The following DPY30 variants were observed in gnomAD, a reference collection of about 807,000 sequenced individuals.
DPY30 encodes the protein protein dpy-30 homolog.
DPY30 carries 6 observed loss-of-function variants against 16.2 expected under a neutral mutation model. The ratio of observed to expected loss-of-function variants is 0.37; its 90% CI spans 0.20 to 0.73. The LOEUF (loss-of-function observed/expected upper bound fraction) is 0.73. DPY30 is among the 30% of genes least tolerant of loss of function. The probability of loss-of-function intolerance (pLI) is 0.51; values close to 1 mark genes in which losing one functional copy is unlikely to be tolerated. For synonymous variants in DPY30, 39 were observed against 38.8 expected (o/e 1.00, Z -0.02); for missense variants, 73 against 113.1 (o/e 0.65, Z 1.61).
chr2:32,036,541 G>A (rs919920606), intron 3 of DPY30, among the ~76,000 whole-genome samples: 13 of 151,280 alleles, frequency 8.6e-5, no homozygotes, highest in African/African-American at 1.7e-4. Context: ...GCATGGTGGC[G>A]GCGCCTGTAG....
At chr2:32,032,675 C>T (rs868771089) in intron 3 of DPY30, among the ~76,000 whole-genome samples, 1 of 152,294 alleles carries the variant, frequency 6.6e-6, no homozygotes, top group Middle Eastern at 3.4e-3. Flanking sequence ...GCTTGAGCAA[C>T]ATAGTGAGAC....
rs1675243767 is a variant in DPY30 at position 32,023,986 on chromosome 2, C to T, written c.*198G>A. The T allele has an allele frequency of 1.4e-6, 2 of 1,432,680 alleles. No individual in the cohort carries two copies. The highest frequency in any genetic ancestry group is 2.8e-5 in the Admixed American group (1 of 35,360). 88.7% of individuals were successfully genotyped at this position (1,432,680 alleles called of 1,614,324 possible). ...TGAGAAAAAAATTGCACAGAATACA[C>T]TCATTAAATAGGTATGGTTTATGGT... On this transcript the variant is annotated 3_prime_UTR_variant, in exon 5 of 5. Transcript: ENST00000342166.
At chr2:32,031,199 G>A (rs887106280) in intron 3 of DPY30, among the ~76,000 whole-genome samples, 5 of 151,976 alleles carry the variant, frequency 3.3e-5, no homozygotes, top group Non-Finnish European at 7.4e-5. Flanking sequence ...AAGGCACGCC[G>A]ACCATGAGGT....
At chr2:32,023,581 C>T (rs1362287061), downstream of DPY30, 1 of 601,062 alleles carries the variant, frequency 1.7e-6, no homozygotes, top group East Asian at 6.7e-5. Context: ...CAATAAATTA[C>T]AGCTATTACT....
rs1675252511 is a variant in DPY30, at chr2:32,024,206, G to A, written c.278C>T (p.Ala93Val). 6.2e-7 allele frequency: 1 copy of A among 1,612,580 alleles called. No individual in the cohort carries two copies. Among genetic ancestry groups the A allele is most frequent in the Non-Finnish European group, 8.5e-7 (1 of 1,179,358 alleles). The change falls in exon 5 of 5, where the codon GCA becomes GTA. Residue 93 changes from alanine (A) to valine (V), a missense_variant. This residue lies in a region of DPY30 where 20 missense variants were observed against 25.3 expected (regional missense o/e 0.79). Coordinates refer to ENST00000342166, the MANE Select transcript of DPY30 (RefSeq NM_001321209.2). ...FLASYLLKNK[A>V]QFEDRN ...AAGTCAGTTTCGATCTTCAAACTGT[G>A]CCTTGTTTTTTAAAAGATAAGATGC...
chr2:32,025,412 G>T (rs1484952722), intron 4 of DPY30, among the ~76,000 whole-genome samples: 1 of 151,756 alleles, frequency 6.6e-6, no homozygotes, highest in Non-Finnish European at 1.5e-5. Context: ...GCAGTGAGCC[G>T]AGATCATGCC....
chr2:32,033,164 C>T (rs1675606282), intron 3 of DPY30, among the ~76,000 whole-genome samples: 1 of 148,280 alleles, frequency 6.7e-6, no homozygotes, highest in African/African-American at 2.5e-5. Flanking sequence ...AAAAATTAAC[C>T]AGGCATGGTG....
In DPY30 at chr2:32,029,511, G is replaced by A. The variant is rs1675453965; in HGVS notation, c.227+83C>T. The A allele has an allele frequency of 6.0e-6, 9 of 1,490,834 alleles. No individual in the cohort carries two copies. The Admixed American group carries it at 9.7e-5, about 16-fold the overall frequency. The allele number at this position is 1,490,834 out of a possible 1,614,324, so 92.4% of individuals were successfully genotyped here. A position where few individuals can be genotyped will look rare whatever the true frequency, so the allele number is the denominator to read the frequency against. ...TCCATAAATCACACAGTAAAAAGTC[G>A]CTATACATAACTATGATATTTCAGA... On this transcript the variant is annotated intron_variant, in intron 4 of 4. Transcript: ENST00000342166.
At chr2:32,021,719 T>C (rs919175501), downstream of DPY30, among the ~76,000 whole-genome samples, 2 of 151,586 alleles carry the variant, frequency 1.3e-5, no homozygotes, top group Non-Finnish European at 2.9e-5. Flanking sequence ...TGTGTCCCAT[T>C]GGGTCATGTT....
chr2:32,032,949 T>C (rs935077692), intron 3 of DPY30, among the ~76,000 whole-genome samples: 3 of 151,990 alleles, frequency 2.0e-5, no homozygotes, highest in East Asian at 1.9e-4. Flanking sequence ...TGAGCCAAGA[T>C]TGCGCCACTG....
intron 3 of DPY30, among the ~76,000 whole-genome samples, chr2:32,034,090 G>A (rs1488243293): frequency 1.3e-5 from 2 of 152,184 alleles, no homozygotes; most frequent in African/African-American, 4.8e-5. Flanking sequence ...GAGCACTGAA[G>A]AGAAGAAAGG....
chr2:32,032,618 G>C (rs538478495), intron 3 of DPY30, among the ~76,000 whole-genome samples: 8 of 152,282 alleles, frequency 5.3e-5, no homozygotes, highest in African/African-American at 1.9e-4. Context: ...CCAGTACTTT[G>C]GGAAGCCAAG....
At chr2:32,038,114 C>T (rs1023451883) in intron 3 of DPY30, among the ~76,000 whole-genome samples, 2 of 147,364 alleles carry the variant, frequency 1.4e-5, no homozygotes, top group Admixed American at 6.9e-5. Flanking sequence ...GTAGAATTAA[C>T]TTGTATTGCT....
downstream of DPY30, among the ~76,000 whole-genome samples, chr2:32,020,592 T>C (rs1675158181): frequency 6.6e-6 from 1 of 152,076 alleles, no homozygotes; most frequent in African/African-American, 2.4e-5. Flanking sequence ...GCCTTGATGG[T>C]AGTTATGGTT....
At chr2:32,039,217 C>A (rs1350204868) in intron 3 of DPY30, 62 bp downstream of exon 3, 16 of 1,336,114 alleles carry the variant, frequency 1.2e-5, no homozygotes. Flanking sequence ...AAAAGCAGAT[C>A]CCAAGTTTTC....
At chr2:32,015,440 C>T (rs903260342) in intron 5 of DPY30, among the ~76,000 whole-genome samples, 23 of 152,060 alleles carry the variant, frequency 1.5e-4, no homozygotes, top group African/African-American at 5.3e-4. Context: ...TTTAATAATT[C>T]CTGTAAGATA....
chr2:32,025,385 C>T (rs1283842750), intron 4 of DPY30, among the ~76,000 whole-genome samples: 1 of 152,062 alleles, frequency 6.6e-6, no homozygotes, highest in Non-Finnish European at 1.5e-5. Context: ...ATCACTTGAA[C>T]CCGGGAGGTG....
intron 3 of DPY30, among the ~76,000 whole-genome samples, chr2:32,034,629 A>C (rs1487301948): frequency 1.3e-5 from 2 of 152,158 alleles, no homozygotes; most frequent in Non-Finnish European, 2.9e-5. Context: ...TCCAAACTAT[A>C]TTACACCAGG....
intron 3 of DPY30, among the ~76,000 whole-genome samples, chr2:32,033,866 A>G (rs1415923846): frequency 6.6e-6 from 1 of 152,194 alleles, no homozygotes; most frequent in Non-Finnish European, 1.5e-5. Flanking sequence ...AACACAAACA[A>G]ACAATGAGCT....
Sources: allele counts gnomAD v4.1 joint callset (sites outside exome capture counted in the v4.1 genomes callset), GRCh38; gene constraint gnomAD v4.1.1; regional missense constraint gnomAD v4.1.1; transcripts MANE v1.5; gene names NCBI Gene and HGNC (gene_info 2026-07-23, HGNC 2026-07-21).